Variants in EPB41L4B observed in about 807,000 individuals in gnomAD.
EPB41L4B encodes band 4.1-like protein 4B.
EPB41L4B carries 30 observed loss-of-function variants against 112.5 expected under a neutral mutation model. That is an observed-to-expected ratio of 0.27 (90% CI 0.20 to 0.36). The LOEUF is 0.36. EPB41L4B is among the 10% of genes least tolerant of loss of function. EPB41L4B has a pLI of 1.00. For synonymous variants in EPB41L4B, 408 were observed against 439.7 expected (o/e 0.93, Z 0.90); for missense variants, 1,024 against 1,133.3 (o/e 0.90, Z 1.38).
intron 15 of EPB41L4B, chr9:109,241,561 A>G: frequency 6.4e-7 from 1 of 1,557,834 alleles, no homozygotes; most frequent in South Asian, 1.2e-5. Context: ...CTACTCCTTA[A>G]AGACACTCGT....
At chr9:109,265,933 T>G (rs919133756) in intron 4 of EPB41L4B, among the ~76,000 whole-genome samples, 8 of 150,864 alleles carry the variant, frequency 5.3e-5, no homozygotes, top group Non-Finnish European at 7.4e-5. Context: ...GCAGCATTCA[T>G]AGAGGACTCT....
intron 22 of EPB41L4B, among the ~76,000 whole-genome samples, chr9:109,190,881 G>A (rs1049356049): frequency 1.3e-5 from 2 of 152,186 alleles, no homozygotes; most frequent in Non-Finnish European, 2.9e-5. Flanking sequence ...AGTCAGGCAC[G>A]GGGGTCACCC....
At chr9:109,283,497 C>A (rs1020671259) in intron 1 of EPB41L4B, among the ~76,000 whole-genome samples, 3 of 152,118 alleles carry the variant, frequency 2.0e-5, no homozygotes, top group African/African-American at 7.2e-5. Context: ...ATGAGACGGC[C>A]TCATCTCTCC....
chr9:109,297,561 GCA>G (rs1836781380), intron 1 of EPB41L4B, among the ~76,000 whole-genome samples: 1 of 152,172 alleles, frequency 6.6e-6, no homozygotes, highest in African/African-American at 2.4e-5. Flanking sequence ...GCGTCATGTG[GCA>G]CAGTCACGGC....
chr9:109,270,477 C>A (rs1835569282), intron 2 of EPB41L4B, among the ~76,000 whole-genome samples: 1 of 152,198 alleles, frequency 6.6e-6, no homozygotes, highest in African/African-American at 2.4e-5. Flanking sequence ...GAATCAGATG[C>A]TGCCAGTGCC....
intron 20 of EPB41L4B, among the ~76,000 whole-genome samples, chr9:109,194,852 C>T (rs1279974138): frequency 6.6e-6 from 1 of 152,112 alleles, no homozygotes. Context: ...AATGAATTTG[C>T]CTATTCTAGG....
intron 18 of EPB41L4B, among the ~76,000 whole-genome samples, chr9:109,207,043 C>T (rs1424867152): frequency 6.6e-6 from 1 of 152,224 alleles, no homozygotes; most frequent in African/African-American, 2.4e-5. Flanking sequence ...CAGTCTGAGT[C>T]CAGGACCCAC....
At chr9:109,284,567 C>G (rs1017918483) in intron 1 of EPB41L4B, among the ~76,000 whole-genome samples, 2 of 152,206 alleles carry the variant, frequency 1.3e-5, no homozygotes, top group African/African-American at 4.8e-5. Flanking sequence ...CACACCCCAC[C>G]ACACTGGGCT....
At chr9:109,201,455 A>AAAAAAAAAAAG (rs55833795) in intron 19 of EPB41L4B, among the ~76,000 whole-genome samples, 38,282 of 135,800 alleles carry the variant, frequency 0.28, 6,038 homozygotes, top group Non-Finnish European at 0.34. Context: ...GTCTCAAAAA[A>AAAAAAAAAAAG]AAAAAAAAAA....
At chr9:109,274,114 G>A (rs1835727867) in intron 2 of EPB41L4B, among the ~76,000 whole-genome samples, 1 of 152,188 alleles carries the variant, frequency 6.6e-6, no homozygotes, top group East Asian at 1.9e-4. Context: ...AAAGGCCAGA[G>A]GACGCACATC....
intron 25 of EPB41L4B, among the ~76,000 whole-genome samples, chr9:109,175,137 G>A (rs377032187): frequency 8.6e-5 from 13 of 151,760 alleles, no homozygotes; most frequent in African/African-American, 2.9e-4. Flanking sequence ...GGCTGGTCTC[G>A]AACTCCTGAG....
Position 109,172,944 on chromosome 9 carries a change from G to C in EPB41L4B, c.*1610C>G, listed in dbSNP as rs1831683167. ...CTATACAATATAACATAAAAATACAGTTCTGATACAAATATATGAGATCAG... is the reference window on the plus strand; with the variant it reads ...CTATACAATATAACATAAAAATACACTTCTGATACAAATATATGAGATCAG... On this transcript the variant is annotated 3_prime_UTR_variant, in exon 26 of 26. Coordinates refer to ENST00000374566, the MANE Select transcript of EPB41L4B (RefSeq NM_019114.5). 6.6e-6 allele frequency: 1 copy of C among 152,530 alleles called. No individual in the cohort carries two copies. Among genetic ancestry groups the C allele is most frequent in the African/African-American group, 2.4e-5 (1 of 41,418 alleles). 9.4% of individuals were successfully genotyped at this position (152,530 alleles called of 1,614,324 possible).
At chr9:109,309,243 C>G (rs1837327818) in intron 1 of EPB41L4B, among the ~76,000 whole-genome samples, 1 of 152,078 alleles carries the variant, frequency 6.6e-6, no homozygotes, top group Admixed American at 6.5e-5. Flanking sequence ...TAGAAAATTC[C>G]ATAATAAAAA....
chr9:109,284,701 C>T (rs1836203765), intron 1 of EPB41L4B, among the ~76,000 whole-genome samples: 1 of 152,218 alleles, frequency 6.6e-6, no homozygotes, highest in African/African-American at 2.4e-5. Context: ...AGCCCCCACG[C>T]CTGGCTTCTC....
At position 109,313,428 on chromosome 9, in the gene EPB41L4B, T is replaced by C. The variant is rs1029332273; in HGVS notation, c.306+6713A>G. Among the ~76,000 whole-genome samples the C allele has an allele frequency of 3.9e-5, 6 of 151,930 alleles. 1 individual carries two copies. The South Asian group carries it at 6.2e-4, about 16-fold the overall frequency. ...AGGAGTGAGATTAGAGGGATTAGGG[T>C]GGTGGGGGGGCACACCAGGATGCTG... is the stretch of plus-strand genomic sequence containing the variant. On this transcript the variant is annotated intron_variant, in intron 1 of 25. Coordinates refer to ENST00000374566, the MANE Select transcript of EPB41L4B (RefSeq NM_019114.5).
At chr9:109,312,677 GT>G (rs1395697915) in intron 1 of EPB41L4B, among the ~76,000 whole-genome samples, 1 of 152,152 alleles carries the variant, frequency 6.6e-6, no homozygotes, top group African/African-American at 2.4e-5. Context: ...CATCAACACA[GT>G]TTTTGTGAGG....
intron 1 of EPB41L4B, among the ~76,000 whole-genome samples, chr9:109,299,073 G>T (rs140317652): frequency 6.6e-6 from 1 of 152,162 alleles, no homozygotes; most frequent in Non-Finnish European, 1.5e-5. Context: ...GTAAAGACAG[G>T]GGACATTCTA....
chr9:109,235,796 C>A (rs147045366), intron 15 of EPB41L4B, among the ~76,000 whole-genome samples: 2 of 152,130 alleles, frequency 1.3e-5, no homozygotes, highest in Admixed American at 6.5e-5. Context: ...TCAAACACTG[C>A]GCAAAACATC....
Position 109,267,460 on chromosome 9 carries a change from C to T in EPB41L4B, c.533+13G>A, listed in dbSNP as rs1337243285. 1.9e-6 allele frequency: 3 copies of T among 1,592,588 alleles called. No homozygotes were observed. The highest frequency in any genetic ancestry group is 2.6e-6 in the Non-Finnish European group (3 of 1,161,672). On this transcript the variant is annotated intron_variant, in intron 4 of 25. Coordinates refer to ENST00000374566, the MANE Select transcript of EPB41L4B (RefSeq NM_019114.5). ...CCCTGCTGGGCGGGAGCTTGTTCTG[C>T]ATCGTGGCCTACCTTGTAAACTCCT...
Sources: allele counts gnomAD v4.1 joint callset (sites outside exome capture counted in the v4.1 genomes callset), GRCh38; gene constraint gnomAD v4.1.1; transcripts MANE v1.5; gene names NCBI Gene and HGNC (gene_info 2026-07-23, HGNC 2026-07-21).